Variants in KCNAB1 observed in about 807,000 individuals in gnomAD.
KCNAB1 encodes voltage-gated potassium channel subunit beta-1.
In KCNAB1, 35 loss-of-function variants were observed where a neutral mutation model predicts 64.6. The observed-to-expected ratio is 0.54, with a 90% CI of 0.41 to 0.72. The LOEUF (loss-of-function observed/expected upper bound fraction) is 0.72, where lower values mean the gene tolerates loss of function less well. Among genes scored for constraint, KCNAB1 ranks in the 30% least tolerant of loss-of-function variants. The probability of loss-of-function intolerance (pLI) is 0.00; values close to 1 mark genes in which losing one functional copy is unlikely to be tolerated. For synonymous variants in KCNAB1, 177 were observed against 183.8 expected (o/e 0.96, Z 0.30); for missense variants, 401 against 512.9 (o/e 0.78, Z 2.11).
At chr3:156,522,643 A>G (rs1718031767) in intron 11 of KCNAB1, among the ~76,000 whole-genome samples, 2 of 152,204 alleles carry the variant, frequency 1.3e-5, no homozygotes, top group Non-Finnish European at 2.9e-5. Context: ...AAATAACTCA[A>G]AAAAATCACA....
chr3:156,152,036 C>T (rs896940853), intron 1 of KCNAB1, among the ~76,000 whole-genome samples: 1 of 152,192 alleles, frequency 6.6e-6, no homozygotes, highest in African/African-American at 2.4e-5. Flanking sequence ...GTTATGCCTG[C>T]AGGAAGGTCT....
In KCNAB1 at chr3:156,292,763, G is replaced by A. The variant is rs180674388; in HGVS notation, c.276-128853G>A. ...TCACCATGTTGGCCAGGCTGGTCTC[G>A]AACTCCTGACCTCAAGTGATCCGCC... On this transcript the variant is annotated intron_variant, in intron 1 of 13. Transcript: ENST00000490337. 1.1e-4 allele frequency among the ~76,000 whole-genome samples: 17 copies of A among 152,250 alleles called. No homozygotes were observed. The South Asian group carries it at 1.2e-3, about 11-fold the overall frequency.
At chr3:156,387,372 A>G (rs1285500150) in intron 1 of KCNAB1, among the ~76,000 whole-genome samples, 2 of 152,182 alleles carry the variant, frequency 1.3e-5, no homozygotes, top group Non-Finnish European at 1.5e-5. Flanking sequence ...TAGAATAGAG[A>G]TCAAGAGCAA....
At chr3:156,514,596 T>G (rs1717432743) in intron 9 of KCNAB1, 147 bp downstream of exon 9, 2 of 634,434 alleles carry the variant, frequency 3.2e-6, no homozygotes, top group South Asian at 1.9e-5. Flanking sequence ...ATTACAGAGA[T>G]GGATATTGGA....
intron 1 of KCNAB1, among the ~76,000 whole-genome samples, chr3:156,364,294 A>T (rs182580477): frequency 6.6e-6 from 1 of 152,362 alleles, no homozygotes; most frequent in African/African-American, 2.4e-5. Flanking sequence ...CACTAGGGTA[A>T]AGTGATTAGT....
intron 1 of KCNAB1, among the ~76,000 whole-genome samples, chr3:156,313,835 A>G (rs574007022): frequency 6.6e-6 from 1 of 152,378 alleles, no homozygotes; most frequent in South Asian, 2.1e-4. Flanking sequence ...ATCAAGTTAA[A>G]GCACAGAAAA....
intron 1 of KCNAB1, among the ~76,000 whole-genome samples, chr3:156,334,199 T>C (rs1021438005): frequency 6.6e-6 from 1 of 152,200 alleles, no homozygotes. Context: ...TCTCCCTTTA[T>C]TTTAAAGGAA....
chr3:156,174,924 T>C (rs549680579), intron 1 of KCNAB1, among the ~76,000 whole-genome samples: 4 of 152,306 alleles, frequency 2.6e-5, no homozygotes, highest in Non-Finnish European at 5.9e-5. Context: ...GAACTCTTCC[T>C]CAAGTCTACA....
intron 1 of KCNAB1, among the ~76,000 whole-genome samples, chr3:156,395,759 T>C (rs1170060778): frequency 6.6e-6 from 1 of 152,006 alleles, no homozygotes; most frequent in Non-Finnish European, 1.5e-5. Flanking sequence ...GGTAGCTCGC[T>C]CTCTTTGGAT....
intron 1 of KCNAB1, among the ~76,000 whole-genome samples, chr3:156,238,210 C>T (rs913703305): frequency 2.0e-5 from 3 of 152,080 alleles, no homozygotes; most frequent in Non-Finnish European, 2.9e-5. Context: ...ATCACGAGGT[C>T]AGGAGATCGA....
At chr3:156,284,549 G>A (rs1299772238) in intron 1 of KCNAB1, among the ~76,000 whole-genome samples, 1 of 152,204 alleles carries the variant, frequency 6.6e-6, no homozygotes, top group African/African-American at 2.4e-5. Flanking sequence ...GGCAATGGCG[G>A]GCTCCCCTCC....
chr3:156,291,684 T>C, intron 1 of KCNAB1: 1 of 1,410,904 alleles, frequency 7.1e-7, no homozygotes, highest in Non-Finnish European at 9.2e-7. Flanking sequence ...GCCGTCTGTT[T>C]ACTTCTCTGG....
intron 1 of KCNAB1, among the ~76,000 whole-genome samples, chr3:156,318,654 A>G (rs1722458166): frequency 6.6e-6 from 1 of 152,226 alleles, no homozygotes; most frequent in Non-Finnish European, 1.5e-5. Context: ...ATACATGTAG[A>G]AAAGAAAGTA....
intron 2 of KCNAB1, among the ~76,000 whole-genome samples, chr3:156,429,142 ATG>A (rs1160868274): frequency 6.6e-6 from 1 of 152,188 alleles, no homozygotes; most frequent in East Asian, 1.9e-4. Context: ...CTCCACATGC[ATG>A]TGTTTTTCAA....
chr3:156,354,142 A>ATATATATGTG (rs1491445238), intron 1 of KCNAB1, among the ~76,000 whole-genome samples: 27 of 123,152 alleles, frequency 2.2e-4, no homozygotes, highest in African/African-American at 7.7e-4. Context: ...ATATATATAT[A>ATATATATGTG]TGTGTATATA....
chr3:156,432,096 T>C (rs552849416), intron 2 of KCNAB1, among the ~76,000 whole-genome samples: 2 of 152,246 alleles, frequency 1.3e-5, no homozygotes, highest in East Asian at 3.9e-4. Flanking sequence ...GCTGAGGTAA[T>C]AAGCAGATGA....
chr3:156,503,475 A>G (rs1716596472), intron 8 of KCNAB1, among the ~76,000 whole-genome samples: 1 of 152,186 alleles, frequency 6.6e-6, no homozygotes, highest in South Asian at 2.1e-4. Flanking sequence ...TTAAGAGGAT[A>G]TAGCATCCCA....
At chr3:156,373,858 CA>C (rs1370394758) in intron 1 of KCNAB1, among the ~76,000 whole-genome samples, 1 of 152,150 alleles carries the variant, frequency 6.6e-6, no homozygotes, top group Non-Finnish European at 1.5e-5. Context: ...AGGTATTGGT[CA>C]GAACAGGGGA....
chr3:156,479,638 AGTTT>A (rs1300325828), intron 8 of KCNAB1, among the ~76,000 whole-genome samples: 4 of 152,172 alleles, frequency 2.6e-5, no homozygotes, highest in Admixed American at 2.6e-4. Flanking sequence ...AATTTTAGTT[AGTTT>A]TTTATTTTAA....
Sources: gnomAD v4.1 joint callset for allele counts (sites outside exome capture counted in the v4.1 genomes callset) on GRCh38, gnomAD v4.1.1 for gene constraint, MANE v1.5 for transcripts, NCBI Gene and HGNC (gene_info 2026-07-23, HGNC 2026-07-21) for gene names.